Variants in USP15 observed in about 807,000 individuals in gnomAD.
USP15 encodes ubiquitin specific peptidase 15.
A neutral mutation model predicts 127.1 loss-of-function variants in USP15; 18 were observed. The ratio of observed to expected loss-of-function variants is 0.14; its 90% CI spans 0.10 to 0.21. The LOEUF is 0.21. Among genes scored for constraint, USP15 ranks in the 10% least tolerant of loss-of-function variants. The probability of loss-of-function intolerance (pLI) is 1.00; values close to 1 mark genes in which losing one functional copy is unlikely to be tolerated. For synonymous variants in USP15, 364 were observed against 393.7 expected (o/e 0.92, Z 0.89); for missense variants, 805 against 1,159.9 (o/e 0.69, Z 4.44).
At chr12:62,344,776 C>T (rs1369561981) in intron 6 of USP15, among the ~76,000 whole-genome samples, 1 of 152,114 alleles carries the variant, frequency 6.6e-6, no homozygotes, top group East Asian at 1.9e-4. Flanking sequence ...GACTTCTGTA[C>T]ACACACAGGC....
chr12:62,342,032 A>G (rs2065664624), intron 6 of USP15, among the ~76,000 whole-genome samples: 1 of 152,122 alleles, frequency 6.6e-6, no homozygotes, highest in South Asian at 2.1e-4. Flanking sequence ...TCTCCCCGTC[A>G]CTTTCAGTTA....
Position 62,325,721 on chromosome 12 carries a change from C to T in USP15, c.622-151C>T, listed in dbSNP as rs542147358. ...AGTCTCACCTGCCTAGCTTTGGAATCGAAATGCAGATTACCTGTTCACCTT... is the reference window on the plus strand; with the variant it reads ...AGTCTCACCTGCCTAGCTTTGGAATTGAAATGCAGATTACCTGTTCACCTT... On this transcript the variant is annotated intron_variant, in intron 5 of 21. Coordinates refer to ENST00000280377, the MANE Select transcript of USP15 (RefSeq NM_001252078.2). 2.2e-5 allele frequency: 12 copies of T among 538,862 alleles called. No homozygotes were observed. In the South Asian group the frequency reaches 3.1e-4, roughly 14 times the overall value. 33.4% of individuals were successfully genotyped at this position (538,862 alleles called of 1,614,324 possible).
chr12:62,312,128 A>C (rs1392418239), intron 3 of USP15, among the ~76,000 whole-genome samples: 12 of 151,848 alleles, frequency 7.9e-5, no homozygotes, highest in Non-Finnish European at 3.0e-5. Flanking sequence ...GGTCTAATTT[A>C]TCTGCACCAA....
At chr12:62,385,281 T>G (rs773824335) in intron 11 of USP15, among the ~76,000 whole-genome samples, 2 of 151,884 alleles carry the variant, frequency 1.3e-5, no homozygotes, top group African/African-American at 2.4e-5. Flanking sequence ...TTTAGAAGAT[T>G]GTTTTCTGTA....
At chr12:62,396,543 C>A in intron 20 of USP15, 145 bp downstream of exon 20, 2 of 689,922 alleles carry the variant, frequency 2.9e-6, no homozygotes, top group Non-Finnish European at 4.8e-6. Context: ...ATGAATGAGT[C>A]AGCTTTTGAA....
chr12:62,260,434 C>A lies in USP15; in HGVS notation c.20C>A (p.Ala7Glu), dbSNP rs991384103. 1.9e-6 allele frequency: 3 copies of A among 1,551,532 alleles called. No homozygotes were observed. The highest frequency in any genetic ancestry group is 8.7e-7 in the Non-Finnish European group (1 of 1,147,700). MAEGGA[A>E]DLDTQRSDIA... ...AAGAAGATGGCGGAAGGCGGAGCGGCGGATCTGGACACCCAGCGGTCTGAC... is the reference window on the plus strand; with the variant it reads ...AAGAAGATGGCGGAAGGCGGAGCGGAGGATCTGGACACCCAGCGGTCTGAC... Residue 7 changes from alanine (A) to glutamate (E), a missense_variant, in exon 1 of 22, where the codon GCG becomes GAG. Physicochemically the swap from Ala to Glu is moderately radical, Grantham distance 107 (BLOSUM62 -1). Coordinates refer to ENST00000280377, the MANE Select transcript of USP15 (RefSeq NM_001252078.2).
chr12:62,296,149 G>A (rs2064120872), intron 2 of USP15, among the ~76,000 whole-genome samples: 1 of 152,162 alleles, frequency 6.6e-6, no homozygotes, highest in Non-Finnish European at 1.5e-5. Flanking sequence ...CAAGGAAACG[G>A]GAACCTCAAA....
At position 62,314,821 on chromosome 12, in the gene USP15, G is replaced by A; in HGVS notation, c.380G>A (p.Cys127Tyr). The A allele has an allele frequency of 6.3e-7, 1 of 1,590,968 alleles. No individual in the cohort carries two copies. Among genetic ancestry groups the A allele is most frequent in the South Asian group, 1.1e-5 (1 of 87,746 alleles). Residue 127 changes from cysteine (C) to tyrosine (Y), a missense_variant, in exon 4 of 22, where the codon TGC becomes TAC. Around this residue, in one of 11 missense-constraint regions of USP15, gnomAD observed 69 missense variants for 126.4 expected, o/e 0.55. Transcript: ENST00000280377. ...GAACAGGGTATGTTTGTAAAGCACT[G>A]CAAAGTAGAAGTATATCTCACAGAA... ...VVEQGMFVKHCKVEVYLTELK... is the reference protein window; with the variant it reads ...VVEQGMFVKHYKVEVYLTELK...
At chr12:62,311,578 CA>C (rs2064680848) in intron 3 of USP15, among the ~76,000 whole-genome samples, 1 of 151,526 alleles carries the variant, frequency 6.6e-6, no homozygotes, top group African/African-American at 2.4e-5. Context: ...TAGATTTAGC[CA>C]TCTAAACCTA....
intron 6 of USP15, among the ~76,000 whole-genome samples, chr12:62,332,987 A>G (rs1202506639): frequency 6.6e-6 from 1 of 152,204 alleles, no homozygotes; most frequent in Non-Finnish European, 1.5e-5. Context: ...TGATTCTGCA[A>G]TATTCTGTTT....
intron 3 of USP15, chr12:62,312,278 C>T (rs1315892441): frequency 8.8e-6 from 3 of 342,416 alleles, no homozygotes; most frequent in African/African-American, 2.2e-5. Flanking sequence ...TTTCTCTTCC[C>T]ATTTCAGGGA....
rs1433358047 is a variant in USP15, at chr12:62,405,635, TACA to T, written c.*1262_*1264del. On this transcript the variant is annotated 3_prime_UTR_variant, in exon 22 of 22. Coordinates refer to ENST00000280377, the MANE Select transcript of USP15 (RefSeq NM_001252078.2). ...TGAAAGAATGTATTGTAAATTGGCA[TACA>T]ATACTGCCTTTAATAGAAAACCTAA... is the stretch of plus-strand genomic sequence containing the variant. 6.6e-6 allele frequency: 1 copy of T among 152,630 alleles called. No homozygotes were observed. Among genetic ancestry groups the T allele is most frequent in the Non-Finnish European group, 1.5e-5 (1 of 68,020 alleles). The allele number at this position is 152,630 out of a possible 1,614,324, so 9.5% of individuals were successfully genotyped here.
In USP15 at chr12:62,389,411, C is replaced by T. The variant is rs1378783018; in HGVS notation, c.1474-20C>T. 6.3e-7 allele frequency: 1 copy of T among 1,590,656 alleles called. No homozygotes were observed. The highest frequency in any genetic ancestry group is 8.5e-7 in the Non-Finnish European group (1 of 1,170,344). On this transcript the variant is annotated intron_variant, in intron 11 of 21. Transcript: ENST00000280377. Reference sequence around the variant, plus strand: ...TTTTTCCAAAATAATAAATTCATTACAATTTTTTTTGTTTTTTAGTACAAA... The same window carrying T: ...TTTTTCCAAAATAATAAATTCATTATAATTTTTTTTGTTTTTTAGTACAAA...
intron 6 of USP15, among the ~76,000 whole-genome samples, chr12:62,348,447 T>A (rs1218584606): frequency 6.6e-6 from 1 of 152,206 alleles, no homozygotes; most frequent in African/African-American, 2.4e-5. Flanking sequence ...TTACAATGAC[T>A]GAGTCACTGG....
intron 1 of USP15, among the ~76,000 whole-genome samples, chr12:62,281,578 A>T (rs2063651011): frequency 6.6e-6 from 1 of 152,182 alleles, no homozygotes; most frequent in South Asian, 2.1e-4. Flanking sequence ...GCCTCAAGTG[A>T]TCCAGCCATC....
chr12:62,325,995 C>A, intron 6 of USP15, 62 bp downstream of exon 6: 2 of 1,391,050 alleles, frequency 1.4e-6, no homozygotes, highest in South Asian at 1.3e-5. Flanking sequence ...GCTAGATAAT[C>A]AAATCCACAA....
chr12:62,315,004 C>G, intron 4 of USP15, 88 bp downstream of exon 4: 1 of 1,247,030 alleles, frequency 8.0e-7, no homozygotes, highest in Non-Finnish European at 1.0e-6. Flanking sequence ...GGATGATAAC[C>G]ATTTTAAGGA....
intron 3 of USP15, among the ~76,000 whole-genome samples, chr12:62,307,514 T>G (rs2064521102): frequency 6.6e-6 from 1 of 152,146 alleles, no homozygotes; most frequent in South Asian, 2.1e-4. Context: ...GCAGAAAACT[T>G]GTCTCTTAGT....
rs1317874190 is a variant in USP15 at position 62,411,067 on chromosome 12, CTG to C, written c.*6695_*6696del. ...CACCTGAATTCCTAACCCACAAAAA[CTG>C]TGAGATAACAGATGTTTGTGTTTTT... On this transcript the variant is annotated 3_prime_UTR_variant, in exon 22 of 22. Transcript: ENST00000280377. The C allele has an allele frequency of 2.0e-5, 3 of 152,094 alleles. No homozygotes were observed. The highest frequency in any genetic ancestry group is 4.4e-5 in the Non-Finnish European group (3 of 68,008). The allele number at this position is 152,094 out of a possible 1,614,324, so 9.4% of individuals were successfully genotyped here. A position where few individuals can be genotyped will look rare whatever the true frequency, so the allele number is the denominator to read the frequency against.
Sources: allele counts gnomAD v4.1 joint callset (sites outside exome capture counted in the v4.1 genomes callset), GRCh38; gene constraint gnomAD v4.1.1; regional missense constraint gnomAD v4.1.1; transcripts MANE v1.5; gene names NCBI Gene and HGNC (gene_info 2026-07-23, HGNC 2026-07-21).